The following CHRM2 variants were observed in gnomAD, a reference collection of about 807,000 sequenced individuals.
CHRM2 encodes cholinergic receptor muscarinic 2.
Under a neutral mutation model 25.0 loss-of-function variants are expected in CHRM2, and 8 were observed. The observed-to-expected ratio is 0.32, with a 90% CI of 0.19 to 0.58. The LOEUF (loss-of-function observed/expected upper bound fraction) is 0.58, where lower values mean the gene tolerates loss of function less well. Among genes scored for constraint, CHRM2 ranks in the 20% least tolerant of loss-of-function variants. CHRM2 has a pLI of 0.88. For synonymous variants in CHRM2, 202 were observed against 205.7 expected, an observed-to-expected ratio of 0.98 and a Z score of 0.15; for missense variants, 440 against 567.1, an observed-to-expected ratio of 0.78 and a Z score of 2.28.
chr7:136,936,865 A>G (rs1349391678), intron 2 of CHRM2, among the ~76,000 whole-genome samples: 1 of 152,060 alleles, frequency 6.6e-6, no homozygotes, highest in Non-Finnish European at 1.5e-5. Context: ...AGTTGAAAAG[A>G]CTCTAAATTA....
At chr7:136,946,545 C>G (rs1800085766) in intron 2 of CHRM2, among the ~76,000 whole-genome samples, 1 of 152,096 alleles carries the variant, frequency 6.6e-6, no homozygotes, top group Non-Finnish European at 1.5e-5. Flanking sequence ...TTTCTTGTGA[C>G]TGAAAGTCCA....
chr7:136,899,589 A>C (rs745332146), intron 2 of CHRM2: 10 of 152,116 alleles, frequency 6.6e-5, no homozygotes, highest in Non-Finnish European at 1.5e-4. Flanking sequence ...TATGTAATTC[A>C]ATCAAAATTA....
intron 2 of CHRM2, among the ~76,000 whole-genome samples, chr7:136,980,337 A>G (rs1220360002): frequency 6.6e-6 from 1 of 152,076 alleles, no homozygotes; most frequent in Admixed American, 6.6e-5. Flanking sequence ...GCTTAAGGAG[A>G]TTTGGGGTGA....
chr7:136,960,670 T>A (rs753074269), intron 2 of CHRM2, among the ~76,000 whole-genome samples: 3 of 152,244 alleles, frequency 2.0e-5, no homozygotes, highest in Admixed American at 6.5e-5. Context: ...CAAAACATGC[T>A]TGAAGGCAAT....
At chr7:137,009,736 A>T (rs1211005464) in intron 3 of CHRM2, among the ~76,000 whole-genome samples, 1 of 152,110 alleles carries the variant, frequency 6.6e-6, no homozygotes, top group Non-Finnish European at 1.5e-5. Flanking sequence ...CATTTATAAA[A>T]GGAGTATAAT....
chr7:136,940,142 T>C (rs1027045227), intron 2 of CHRM2, among the ~76,000 whole-genome samples: 2 of 152,218 alleles, frequency 1.3e-5, no homozygotes, highest in Admixed American at 1.3e-4. Flanking sequence ...AGTTAACAAG[T>C]ACATTACCTG....
chr7:136,907,965 G>C (rs907975736), intron 2 of CHRM2: 11 of 151,810 alleles, frequency 7.2e-5, no homozygotes, highest in African/African-American at 2.7e-4. Context: ...AGGAATAATG[G>C]CTTGACTTCT....
chr7:136,997,757 C>T (rs927950481), intron 3 of CHRM2, among the ~76,000 whole-genome samples: 1 of 152,172 alleles, frequency 6.6e-6, no homozygotes, highest in African/African-American at 2.4e-5. Context: ...TTACCCTTGG[C>T]AAATAGTTGT....
At chr7:136,958,198 C>A (rs996309110) in intron 2 of CHRM2, among the ~76,000 whole-genome samples, 8 of 152,122 alleles carry the variant, frequency 5.3e-5, no homozygotes, top group Non-Finnish European at 1.2e-4. Flanking sequence ...AAGAAGGCAA[C>A]ATCTTAGAGT....
rs6960707 is a variant in CHRM2 at position 136,950,870 on chromosome 7, C to T, written c.-124-41317C>T. 0.64 allele frequency: 96,922 copies of T among 152,068 alleles called. 31,366 individuals carry two copies. The highest frequency in any genetic ancestry group is 0.68 in the African/African-American group (28,180 of 41,386). 9.4% of individuals were successfully genotyped at this position (152,068 alleles called of 1,614,324 possible). On this transcript the variant is annotated intron_variant, in intron 2 of 3. Coordinates refer to ENST00000680005, the MANE Select transcript of CHRM2 (RefSeq NM_001006630.2). The stretch of plus-strand genomic sequence containing the variant: ...TTGCTCTGTATCTCAGGTTACAATA[C>T]TGTGGCAAAAACATGGCTCACTGCA...
At chr7:136,997,512 CGCAG>C (rs1803686933) in intron 3 of CHRM2, among the ~76,000 whole-genome samples, 1 of 152,052 alleles carries the variant, frequency 6.6e-6, no homozygotes, top group Non-Finnish European at 1.5e-5. Flanking sequence ...AATGTCCAAA[CGCAG>C]ATGAAGGTTT....
chr7:137,010,590 A>G (rs1404680146), intron 3 of CHRM2, among the ~76,000 whole-genome samples: 1 of 152,044 alleles, frequency 6.6e-6, no homozygotes, highest in Non-Finnish European at 1.5e-5. Context: ...ACGATTCCAC[A>G]TGGCCTGTGC....
intron 2 of CHRM2, among the ~76,000 whole-genome samples, chr7:136,916,828 CTCTCTT>C (rs1437947602): frequency 7.1e-6 from 1 of 140,080 alleles, no homozygotes; most frequent in Non-Finnish European, 1.7e-5. Flanking sequence ...ATCATTCTCC[CTCTCTT>C]TCTCTCTCTC....
intron 2 of CHRM2, among the ~76,000 whole-genome samples, chr7:136,985,504 CA>C (rs974105875): frequency 0.19 from 11,669 of 60,226 alleles, 106 homozygotes; most frequent in Non-Finnish European, 0.23. Flanking sequence ...AGTTAGACTC[CA>C]AAAAAAAAAA....
chr7:136,928,338 G>A (rs898514554), intron 2 of CHRM2, among the ~76,000 whole-genome samples: 1 of 152,094 alleles, frequency 6.6e-6, no homozygotes, highest in Non-Finnish European at 1.5e-5. Flanking sequence ...TTTCTTTACT[G>A]GTTTTAAAGT....
chr7:136,975,539 A>G (rs1160997033), intron 2 of CHRM2, among the ~76,000 whole-genome samples: 1 of 152,220 alleles, frequency 6.6e-6, no homozygotes, highest in Non-Finnish European at 1.5e-5. Flanking sequence ...TGGAAATACT[A>G]ATCTGCAATT....
chr7:136,944,519 G>A (rs1382696775), intron 2 of CHRM2, among the ~76,000 whole-genome samples: 7 of 151,620 alleles, frequency 4.6e-5, no homozygotes, highest in Non-Finnish European at 8.8e-5. Context: ...ACATATATAC[G>A]TGTGTGTGTA....
intron 2 of CHRM2, among the ~76,000 whole-genome samples, chr7:136,970,277 T>A (rs1364717760): frequency 6.6e-6 from 1 of 152,188 alleles, no homozygotes; most frequent in East Asian, 1.9e-4. Context: ...TTTGTCTCTA[T>A]CTCTTTATCT....
intron 2 of CHRM2, among the ~76,000 whole-genome samples, chr7:136,913,546 C>T (rs1428036933): frequency 1.3e-5 from 2 of 151,884 alleles, no homozygotes; most frequent in Admixed American, 6.6e-5. Flanking sequence ...GTAACTTTGC[C>T]AATACCTTTG....
Sources: allele counts gnomAD v4.1 joint callset (sites outside exome capture counted in the v4.1 genomes callset), GRCh38; gene constraint gnomAD v4.1.1; transcripts MANE v1.5; gene names NCBI Gene and HGNC (gene_info 2026-07-23, HGNC 2026-07-21).